Variants in RIT2 observed in about 807,000 individuals in gnomAD.
RIT2 encodes the protein GTP-binding protein Rit2.
RIT2 carries 24 observed loss-of-function variants against 23.7 expected under a neutral mutation model. That is an observed-to-expected ratio of 1.01 (90% CI 0.73 to 1.43). The LOEUF is 1.43. Ranked by LOEUF, RIT2 falls within the 40% of genes most tolerant of loss-of-function variation. RIT2 has a pLI of 0.00. For synonymous variants in RIT2, 107 were observed against 91.1 expected, an observed-to-expected ratio of 1.17 and a Z score of -0.99; for missense variants, 236 against 266.9, an observed-to-expected ratio of 0.88 and a Z score of 0.81.
At chr18:42,914,043 G>T (rs1415177730) in intron 4 of RIT2, among the ~76,000 whole-genome samples, 1 of 151,860 alleles carries the variant, frequency 6.6e-6, no homozygotes, top group African/African-American at 2.4e-5. Context: ...AACTGTAGAG[G>T]ATATTCAGAT....
chr18:42,966,916 G>C (rs1456827089), intron 3 of RIT2, among the ~76,000 whole-genome samples: 1 of 151,990 alleles, frequency 6.6e-6, no homozygotes, highest in Non-Finnish European at 1.5e-5. Context: ...CTGTACCGTA[G>C]TTATGGCAAG....
chr18:42,752,911 G>A (rs990764226), intron 4 of RIT2, among the ~76,000 whole-genome samples: 2 of 152,128 alleles, frequency 1.3e-5, no homozygotes, highest in Non-Finnish European at 2.9e-5. Context: ...TGGCAGAAAA[G>A]AAGGAATAAA....
intron 4 of RIT2, among the ~76,000 whole-genome samples, chr18:42,799,046 G>A (rs1367317385): frequency 6.6e-6 from 1 of 152,150 alleles, no homozygotes; most frequent in Non-Finnish European, 1.5e-5. Context: ...CTCAACTACT[G>A]TCACGCTGTC....
At chr18:43,045,749 C>T (rs1458123705) in intron 1 of RIT2, among the ~76,000 whole-genome samples, 1 of 152,048 alleles carries the variant, frequency 6.6e-6, no homozygotes, top group African/African-American at 2.4e-5. Flanking sequence ...CCTGGAACTT[C>T]CCATTTTGTG....
intron 1 of RIT2, among the ~76,000 whole-genome samples, chr18:43,063,317 C>A (rs1912695294): frequency 6.6e-6 from 1 of 152,146 alleles, no homozygotes; most frequent in East Asian, 1.9e-4. Context: ...GGGTTCTATG[C>A]CCGTAGCCTG....
chr18:42,976,774 TGTG>T (rs2144207758), intron 2 of RIT2, among the ~76,000 whole-genome samples: 1 of 152,134 alleles, frequency 6.6e-6, no homozygotes, highest in African/African-American at 2.4e-5. Context: ...CTGGCTGAAA[TGTG>T]GTGAGTGAAT....
At chr18:43,071,269 T>C (rs771431221) in intron 1 of RIT2, among the ~76,000 whole-genome samples, 7 of 152,218 alleles carry the variant, frequency 4.6e-5, no homozygotes, top group Non-Finnish European at 7.3e-5. Flanking sequence ...TAAGTTTTTA[T>C]GATCACTCTG....
intron 4 of RIT2, among the ~76,000 whole-genome samples, chr18:42,814,093 C>T (rs1905926285): frequency 6.6e-6 from 1 of 152,184 alleles, no homozygotes; most frequent in South Asian, 2.1e-4. Flanking sequence ...CCTAGCAAAC[C>T]ATTTCTGCCT....
intron 4 of RIT2, among the ~76,000 whole-genome samples, chr18:42,753,909 A>G (rs1043101801): frequency 6.6e-6 from 1 of 152,194 alleles, no homozygotes; most frequent in East Asian, 1.9e-4. Context: ...TAAGTGCTAC[A>G]TGTCATTTCA....
chr18:42,762,242 A>G (rs1204274972), intron 4 of RIT2, among the ~76,000 whole-genome samples: 1 of 152,182 alleles, frequency 6.6e-6, no homozygotes, highest in Non-Finnish European at 1.5e-5. Flanking sequence ...GAAAATATAG[A>G]TCATGTCTTC....
chr18:42,903,254 A>C (rs987293368), intron 4 of RIT2, among the ~76,000 whole-genome samples: 1 of 152,036 alleles, frequency 6.6e-6, no homozygotes, highest in Admixed American at 6.6e-5. Flanking sequence ...ACATTTATTG[A>C]AAGATAAGAG....
intron 3 of RIT2, among the ~76,000 whole-genome samples, chr18:42,935,250 G>T (rs1240795267): frequency 6.6e-6 from 1 of 152,168 alleles, no homozygotes; most frequent in African/African-American, 2.4e-5. Flanking sequence ...TCAAGAAAGA[G>T]AGCTGAGCAG....
intron 3 of RIT2, among the ~76,000 whole-genome samples, chr18:42,958,410 G>A (rs992096472): frequency 2.6e-5 from 4 of 152,062 alleles, no homozygotes; most frequent in Non-Finnish European, 4.4e-5. Flanking sequence ...TGCAGTTACT[G>A]GGATAAGAAT....
At chr18:42,756,362 T>C (rs1219395997) in intron 4 of RIT2, among the ~76,000 whole-genome samples, 1 of 152,120 alleles carries the variant, frequency 6.6e-6, no homozygotes, top group African/African-American at 2.4e-5. Context: ...GTAATGGCTC[T>C]AGGGTAAAGG....
intron 1 of RIT2, among the ~76,000 whole-genome samples, chr18:43,063,729 C>T (rs767046144): frequency 2.0e-4 from 30 of 152,030 alleles, no homozygotes; most frequent in Non-Finnish European, 2.9e-5. Flanking sequence ...AAAATGAGAA[C>T]TAAAATATTT....
At chr18:42,766,598 T>C (rs1270656750) in intron 4 of RIT2, among the ~76,000 whole-genome samples, 1 of 152,222 alleles carries the variant, frequency 6.6e-6, no homozygotes, top group Non-Finnish European at 1.5e-5. Context: ...AAACCCCATT[T>C]TCTGGGGAGA....
At chr18:43,103,723 T>C (rs1913742666) in intron 1 of RIT2, among the ~76,000 whole-genome samples, 1 of 152,170 alleles carries the variant, frequency 6.6e-6, no homozygotes, top group African/African-American at 2.4e-5. Flanking sequence ...AAATAGTTTG[T>C]CTAGAAGGTA....
At chr18:43,100,760 T>G (rs1462234385) in intron 1 of RIT2, among the ~76,000 whole-genome samples, 1 of 151,946 alleles carries the variant, frequency 6.6e-6, no homozygotes, top group Non-Finnish European at 1.5e-5. Context: ...ATTGGAAAGA[T>G]GGAGTTGCTA....
At chr18:42,774,109 T>C (rs565281734) in intron 4 of RIT2, among the ~76,000 whole-genome samples, 2 of 152,190 alleles carry the variant, frequency 1.3e-5, no homozygotes, top group Non-Finnish European at 2.9e-5. Context: ...ACAAAAAAGA[T>C]ATTTTCACAC....
Sources: gnomAD v4.1 joint callset for allele counts (sites outside exome capture counted in the v4.1 genomes callset) on GRCh38, gnomAD v4.1.1 for gene constraint, MANE v1.5 for transcripts, NCBI Gene and HGNC (gene_info 2026-07-23, HGNC 2026-07-21) for gene names.